RALYL: variants seen among roughly 807,000 people sequenced by gnomAD.
The protein encoded by RALYL is RALY RNA binding protein like, also known as RNA-binding Raly-like protein.
A neutral mutation model predicts 35.1 loss-of-function variants in RALYL; 29 were observed. The observed-to-expected ratio is 0.83, with a 90% CI of 0.61 to 1.13. RALYL has a LOEUF of 1.13. Among genes scored for constraint, RALYL ranks in the 50% most tolerant of loss-of-function variants. The pLI, the probability that RALYL is intolerant of heterozygous loss-of-function variation, is 0.00. For synonymous variants in RALYL, 120 were observed against 127.6 expected (o/e 0.94, Z 0.40); for missense variants, 359 against 360.4 (o/e 1.00, Z 0.03).
intron 1 of RALYL, among the ~76,000 whole-genome samples, chr8:84,472,167 G>A (rs2052854302): frequency 2.0e-5 from 3 of 152,078 alleles, no homozygotes; most frequent in South Asian, 4.1e-4. Context: ...GTAAAATAAT[G>A]CTTTTCATTC....
Position 84,589,023 on chromosome 8 carries a change from G to C in RALYL, c.256+59446G>C, listed in dbSNP as rs185706324. Among the ~76,000 whole-genome samples the C allele has an allele frequency of 2.6e-5, 4 of 152,028 alleles. No homozygotes were observed. The East Asian group carries it at 7.8e-4, about 29-fold the overall frequency. ...AGCGATTCTCCTGCCTCAGCCTCCC[G>C]AGTAGTTGGGATTACAGGCATGCGC... On this transcript the variant is annotated intron_variant, in intron 2 of 8. Coordinates refer to ENST00000521268, the MANE Select transcript of RALYL (RefSeq NM_173848.7).
chr8:84,642,738 C>T (rs551237078), intron 2 of RALYL, among the ~76,000 whole-genome samples: 11 of 151,622 alleles, frequency 7.3e-5, no homozygotes, highest in South Asian at 4.2e-4. Flanking sequence ...ATAAGAAAAG[C>T]GAAAAAGAAA....
At chr8:84,902,309 A>G (rs1845828536) in intron 8 of RALYL, among the ~76,000 whole-genome samples, 1 of 152,122 alleles carries the variant, frequency 6.6e-6, no homozygotes, top group African/African-American at 2.4e-5. Flanking sequence ...CACACTTTCA[A>G]ACAGACAGAT....
At chr8:84,203,682 A>G (rs973778811) in intron 1 of RALYL, among the ~76,000 whole-genome samples, 1 of 152,180 alleles carries the variant, frequency 6.6e-6, no homozygotes, top group Non-Finnish European at 1.5e-5. Context: ...CTCAAGTGCA[A>G]TATAGATAGC....
chr8:84,748,323 TG>T (rs1809149321), intron 2 of RALYL, among the ~76,000 whole-genome samples: 1 of 152,086 alleles, frequency 6.6e-6, no homozygotes, highest in East Asian at 1.9e-4. Flanking sequence ...TCAGTTGACA[TG>T]GTATGAGCTT....
At chr8:84,705,918 C>T in intron 2 of RALYL, 1 of 1,495,800 alleles carries the variant, frequency 6.7e-7, no homozygotes, top group Non-Finnish European at 8.9e-7. Flanking sequence ...TTGCTGGTTA[C>T]CTTCTGTCAG....
chr8:84,792,150 T>G (rs2133864500), intron 3 of RALYL, among the ~76,000 whole-genome samples: 1 of 152,334 alleles, frequency 6.6e-6, no homozygotes, highest in South Asian at 2.1e-4. Context: ...AGCTTAAGTG[T>G]TAACTAGCTC....
At position 84,401,328 on chromosome 8, in the gene RALYL, AT is replaced by A. The variant is rs2042867316; in HGVS notation, c.-23-127969del. Among the ~76,000 whole-genome samples, 4 of 152,150 alleles carry A rather than the reference AT, an allele frequency of 2.6e-5. No individual in the cohort carries two copies. The South Asian group carries it at 8.3e-4, about 32-fold the overall frequency. On this transcript the variant is annotated intron_variant, in intron 1 of 8. Coordinates refer to ENST00000521268, the MANE Select transcript of RALYL (RefSeq NM_173848.7). ...TCAGTGTGGGGAAGGTTTACTCACCATTATGGAACATTTGAAAATATGTAAG... is the reference window on the plus strand; with the variant it reads ...TCAGTGTGGGGAAGGTTTACTCACCATATGGAACATTTGAAAATATGTAAG...
Position 84,608,659 on chromosome 8 carries a change from A to G in RALYL, c.256+79082A>G, listed in dbSNP as rs1281622497. On this transcript the variant is annotated intron_variant, in intron 2 of 8. Transcript: ENST00000521268. ...TAAACTATTAGGATAAAGTGTGCCTATCCTAAATTCATGGATTTCTAAGAT... is the reference window on the plus strand; with the variant it reads ...TAAACTATTAGGATAAAGTGTGCCTGTCCTAAATTCATGGATTTCTAAGAT... Among the ~76,000 whole-genome samples, 9 of 152,290 alleles carry G rather than the reference A, an allele frequency of 5.9e-5. No homozygotes were observed. In the East Asian group the frequency reaches 1.7e-3, roughly 30 times the overall value.
intron 2 of RALYL, among the ~76,000 whole-genome samples, chr8:84,701,520 C>T (rs182452878): frequency 2.1e-4 from 32 of 152,226 alleles, no homozygotes; most frequent in Admixed American, 1.2e-3. Flanking sequence ...AAATTCAACA[C>T]GTTTTAACTT....
chr8:84,834,590 C>T (rs1447376521), intron 4 of RALYL, among the ~76,000 whole-genome samples: 2 of 152,132 alleles, frequency 1.3e-5, no homozygotes, highest in African/African-American at 4.8e-5. Flanking sequence ...CTCCAGCACC[C>T]TGTACTGCCA....
chr8:84,612,787 A>C (rs1171228014), intron 2 of RALYL, among the ~76,000 whole-genome samples: 2 of 151,714 alleles, frequency 1.3e-5, no homozygotes, highest in Non-Finnish European at 2.9e-5. Context: ...AGGTATAAAA[A>C]GAGTAAGAAA....
At chr8:84,783,132 G>A (rs1818585625) in intron 3 of RALYL, among the ~76,000 whole-genome samples, 1 of 92,238 alleles carries the variant, frequency 1.1e-5, no homozygotes, top group South Asian at 2.7e-4. Context: ...CTGTATGGAG[G>A]GTAGCATGAA....
At chr8:84,581,232 T>C (rs1810755802) in intron 2 of RALYL, among the ~76,000 whole-genome samples, 1 of 152,214 alleles carries the variant, frequency 6.6e-6, no homozygotes, top group Non-Finnish European at 1.5e-5. Context: ...TCAGTTGTTA[T>C]TCAAAGGAAG....
intron 1 of RALYL, among the ~76,000 whole-genome samples, chr8:84,283,509 T>A (rs753643304): frequency 1.3e-5 from 2 of 152,152 alleles, no homozygotes; most frequent in Non-Finnish European, 2.9e-5. Context: ...AGAGGTAGCA[T>A]CCATCTGGGG....
At chr8:84,597,625 C>A (rs941325659) in intron 2 of RALYL, among the ~76,000 whole-genome samples, 1 of 152,102 alleles carries the variant, frequency 6.6e-6, no homozygotes, top group Admixed American at 6.5e-5. Flanking sequence ...ATCTGGGCTT[C>A]TGTTCACTTT....
chr8:84,235,194 TATA>T (rs1177895492), intron 1 of RALYL, among the ~76,000 whole-genome samples: 1 of 152,232 alleles, frequency 6.6e-6, no homozygotes, highest in Admixed American at 6.5e-5. Context: ...TTTATTTAAT[TATA>T]ATGTGAAAAT....
intron 1 of RALYL, among the ~76,000 whole-genome samples, chr8:84,512,211 GT>G (rs1405275386): frequency 6.6e-6 from 1 of 151,724 alleles, no homozygotes; most frequent in East Asian, 1.9e-4. Context: ...TCTATTTTTT[GT>G]TGTTGTTATT....
intron 8 of RALYL, among the ~76,000 whole-genome samples, chr8:84,906,589 T>C (rs1846536982): frequency 6.6e-6 from 1 of 152,126 alleles, no homozygotes; most frequent in South Asian, 2.1e-4. Context: ...CCAACTTTTT[T>C]CATACCTCAA....
Sources: allele counts gnomAD v4.1 joint callset (sites outside exome capture counted in the v4.1 genomes callset), GRCh38; gene constraint gnomAD v4.1.1; transcripts MANE v1.5; gene names NCBI Gene and HGNC (gene_info 2026-07-23, HGNC 2026-07-21).